CAST: variants seen among roughly 807,000 people sequenced by gnomAD.
CAST encodes the protein calpastatin.
Under a neutral mutation model 119.6 loss-of-function variants are expected in CAST, and 76 were observed. That is an observed-to-expected ratio of 0.64 (90% confidence interval 0.53 to 0.77). CAST has a LOEUF of 0.77. Among genes scored for constraint, CAST ranks in the 30% least tolerant of loss-of-function variants. The probability of loss-of-function intolerance (pLI) is 0.00; values close to 1 mark genes in which losing one functional copy is unlikely to be tolerated. For missense variants in CAST, 953 were observed against 946.5 expected (o/e 1.01, Z -0.09); for synonymous variants, 319 against 331.6 (o/e 0.96, Z 0.41).
chr5:96,715,672 A>T (rs1322655145), intron 3 of CAST, among the ~76,000 whole-genome samples: 1 of 152,244 alleles, frequency 6.6e-6, no homozygotes, highest in African/African-American at 2.4e-5. Flanking sequence ...TGTAGATGAC[A>T]CTACAATAAG....
intron 1 of CAST, among the ~76,000 whole-genome samples, chr5:96,572,212 T>G (rs1746582277): frequency 6.6e-6 from 1 of 151,930 alleles, no homozygotes; most frequent in Non-Finnish European, 1.5e-5. Context: ...GCTATTTTTT[T>G]TTTTTTGAGA....
chr5:96,502,391 T>C, the CAST span, among the ~76,000 whole-genome samples: 1 of 152,068 alleles, frequency 6.6e-6, no homozygotes, highest in Non-Finnish European at 1.5e-5. Context: ...CAGGACTGAG[T>C]TCATAGCAGT....
chr5:96,273,429 T>C, the CAST span, among the ~76,000 whole-genome samples: 1 of 152,170 alleles, frequency 6.6e-6, no homozygotes, highest in Admixed American at 6.5e-5. Context: ...ATAGAATATC[T>C]AGAGAATAGT....
the CAST span, among the ~76,000 whole-genome samples, chr5:96,008,236 C>G: frequency 2.0e-5 from 3 of 152,214 alleles, no homozygotes; most frequent in Non-Finnish European, 4.4e-5. Flanking sequence ...GGGCAATTAT[C>G]AAACCTTTAT....
chr5:96,017,520 T>A, the CAST span, among the ~76,000 whole-genome samples: 2 of 152,204 alleles, frequency 1.3e-5, no homozygotes, highest in Non-Finnish European at 2.9e-5. Flanking sequence ...CAAATTTCAG[T>A]TAAACTTTCA....
chr5:96,025,607 C>CT, the CAST span, among the ~76,000 whole-genome samples: 1 of 152,166 alleles, frequency 6.6e-6, no homozygotes, highest in South Asian at 2.1e-4. Context: ...ATGGTCATGT[C>CT]AGTTGCTTTC....
chr5:96,399,948 C>G, the CAST span: 22 of 1,602,256 alleles, frequency 1.4e-5, no homozygotes, highest in African/African-American at 2.8e-4. Context: ...CCAGGAGATA[C>G]TTACCTGGGC....
At chr5:95,996,858 G>A in the CAST span, among the ~76,000 whole-genome samples, 188 of 152,062 alleles carry the variant, frequency 1.2e-3, 1 homozygote, top group African/African-American at 4.2e-3. Context: ...CCTGAACTCC[G>A]TACACATTTT....
chr5:96,302,667 C>T, the CAST span, among the ~76,000 whole-genome samples: 15 of 152,310 alleles, frequency 9.8e-5, no homozygotes, highest in African/African-American at 2.2e-4. Flanking sequence ...CAAAGTTCTA[C>T]GGATCCCTAG....
the CAST span, among the ~76,000 whole-genome samples, chr5:96,018,954 G>A: frequency 1.3e-5 from 2 of 152,220 alleles, no homozygotes; most frequent in East Asian, 3.9e-4. Flanking sequence ...GTAAATAAAC[G>A]AGCTTGGGTG....
intron 2 of CAST, among the ~76,000 whole-genome samples, chr5:96,684,979 GT>G (rs1335965612): frequency 0.015 from 966 of 65,436 alleles, 11 homozygotes; most frequent in African/African-American, 0.086. Context: ...TATACAAAAT[GT>G]TGTATCATTG....
the CAST span, among the ~76,000 whole-genome samples, chr5:95,970,929 A>G: frequency 1.3e-5 from 2 of 152,214 alleles, no homozygotes; most frequent in African/African-American, 4.8e-5. Flanking sequence ...TATAAGGTAT[A>G]ATTTGATTTA....
chr5:96,634,298 T>C (rs1747859048), intron 1 of CAST, among the ~76,000 whole-genome samples: 1 of 152,268 alleles, frequency 6.6e-6, no homozygotes, highest in Non-Finnish European at 1.5e-5. Context: ...CTTGTTCTTC[T>C]ACTCATTGAT....
rs532132787 is a variant in CAST, at chr5:96,617,685, G to A, written c.61-57854G>A. Among the ~76,000 whole-genome samples the A allele has an allele frequency of 1.7e-4, 26 of 150,404 alleles. No individual in the cohort carries two copies. In the East Asian group the frequency reaches 2.4e-3, roughly 14 times the overall value. ...TGGGTGCCAGTAGTCCCAGCTACTC[G>A]AGAGGCTGAGGCAGGATAATGGCGT... On this transcript the variant is annotated intron_variant, in intron 1 of 11. Coordinates refer to the CAST transcript ENST00000505143.
the CAST span, among the ~76,000 whole-genome samples, chr5:95,972,685 A>G: frequency 6.6e-6 from 1 of 152,222 alleles, no homozygotes; most frequent in Non-Finnish European, 1.5e-5. Context: ...TATCTTTTGC[A>G]GAGCAAAAAA....
chr5:96,156,946 G>C, the CAST span, among the ~76,000 whole-genome samples: 1 of 152,080 alleles, frequency 6.6e-6, no homozygotes, highest in Non-Finnish European at 1.5e-5. Context: ...TAAGTCTTAT[G>C]TTCACACATT....
the CAST span, among the ~76,000 whole-genome samples, chr5:96,155,887 C>A: frequency 6.6e-6 from 1 of 152,196 alleles, no homozygotes; most frequent in Non-Finnish European, 1.5e-5. Context: ...AGAGCTGCAG[C>A]CAGGTCTTGT....
At chr5:95,977,840 C>G in the CAST span, among the ~76,000 whole-genome samples, 2 of 152,110 alleles carry the variant, frequency 1.3e-5, no homozygotes, top group Non-Finnish European at 2.9e-5. Flanking sequence ...ATCTGTCGTT[C>G]CCCTCTATGT....
At chr5:96,519,286 G>A in the CAST span, among the ~76,000 whole-genome samples, 1 of 152,166 alleles carries the variant, frequency 6.6e-6, no homozygotes, top group Non-Finnish European at 1.5e-5. Context: ...ACAGGACCAA[G>A]TTATTATGAA....
Sources: allele counts gnomAD v4.1 joint callset (sites outside exome capture counted in the v4.1 genomes callset), GRCh38; gene constraint gnomAD v4.1.1; transcripts MANE v1.5; gene names NCBI Gene and HGNC (gene_info 2026-07-23, HGNC 2026-07-21).